MTMR12: variants seen among roughly 807,000 people sequenced by gnomAD.
MTMR12 encodes the protein myotubularin-related protein 12.
In MTMR12, 33 loss-of-function variants were observed where a neutral mutation model predicts 96.7. That is an observed-to-expected ratio of 0.34 (90% CI 0.26 to 0.46). MTMR12 has a LOEUF of 0.46. MTMR12 is among the 20% of genes least tolerant of loss of function. MTMR12 has a pLI of 1.00. For missense variants in MTMR12, 721 were observed against 896.1 expected, an observed-to-expected ratio of 0.80 and a Z score of 2.49; for synonymous variants, 298 against 327.2, an observed-to-expected ratio of 0.91 and a Z score of 0.96.
intron 1 of MTMR12, among the ~76,000 whole-genome samples, chr5:32,295,909 T>C (rs1330680517): frequency 1.3e-5 from 2 of 151,964 alleles, no homozygotes; most frequent in African/African-American, 4.8e-5. Context: ...ATCCCAGCAT[T>C]TTGGGAGGCC....
chr5:32,240,445 T>C (rs574035781), intron 12 of MTMR12, among the ~76,000 whole-genome samples: 3 of 150,210 alleles, frequency 2.0e-5, no homozygotes, highest in Non-Finnish European at 4.4e-5. Flanking sequence ...GAGGTGCTCA[T>C]ATTGTGATAA....
intron 7 of MTMR12, among the ~76,000 whole-genome samples, chr5:32,260,467 T>A (rs555468584): frequency 6.6e-6 from 1 of 151,930 alleles, no homozygotes; most frequent in East Asian, 2.0e-4. Flanking sequence ...TGCCAACTGA[T>A]TAGTATGTGG....
At chr5:32,249,774 C>A (rs1009531537) in intron 8 of MTMR12, among the ~76,000 whole-genome samples, 6 of 152,016 alleles carry the variant, frequency 3.9e-5, no homozygotes, top group Admixed American at 3.9e-4. Context: ...TTTTCAGGAA[C>A]AAAAGGAGAT....
At chr5:32,310,727 C>T (rs1291788831) in intron 1 of MTMR12, among the ~76,000 whole-genome samples, 1 of 151,836 alleles carries the variant, frequency 6.6e-6, no homozygotes, top group African/African-American at 2.4e-5. Context: ...AGTGATAGCA[C>T]AACAGGGTGA....
At chr5:32,289,793 C>T (rs1037898370) in intron 1 of MTMR12, among the ~76,000 whole-genome samples, 2 of 152,172 alleles carry the variant, frequency 1.3e-5, no homozygotes, top group Non-Finnish European at 2.9e-5. Context: ...AGGGTGAGGG[C>T]TATTATGGTG....
At chr5:32,256,504 C>A (rs952954784) in intron 7 of MTMR12, among the ~76,000 whole-genome samples, 2 of 152,186 alleles carry the variant, frequency 1.3e-5, no homozygotes, top group Admixed American at 6.5e-5. Context: ...CTAAAAAGAA[C>A]AAACTTGTTA....
At position 32,229,500 on chromosome 5, in the gene MTMR12, CTG is replaced by C. The variant is rs1747902185; in HGVS notation, c.*276_*277del. 3.5e-6 allele frequency: 1 copy of C among 282,478 alleles called. No individual in the cohort carries two copies. Among genetic ancestry groups the C allele is most frequent in the Non-Finnish European group, 6.5e-6 (1 of 153,154 alleles). The allele number at this position is 282,478 out of a possible 1,614,324, so 17.5% of individuals were successfully genotyped here. On this transcript the variant is annotated 3_prime_UTR_variant, in exon 16 of 16. Transcript: ENST00000382142. ...GGTAGTAAACTGGCCATTGTGGGCT[CTG>C]TATAATACTTAGGCATCAGAAAACG...
At chr5:32,247,069 A>G (rs1289192285) in intron 10 of MTMR12, among the ~76,000 whole-genome samples, 1 of 152,208 alleles carries the variant, frequency 6.6e-6, no homozygotes, top group East Asian at 1.9e-4. Context: ...AGTCCAAGTT[A>G]GTCCAGGCAG....
At chr5:32,265,418 G>T (rs1038802634) in intron 6 of MTMR12, among the ~76,000 whole-genome samples, 3 of 152,220 alleles carry the variant, frequency 2.0e-5, no homozygotes, top group African/African-American at 7.2e-5. Context: ...GGCAGGCCGA[G>T]AAAGTGTCCT....
intron 5 of MTMR12, 60 bp from the exon 6 acceptor site, chr5:32,268,854 A>G: frequency 7.2e-7 from 1 of 1,397,290 alleles, no homozygotes; most frequent in Non-Finnish European, 1.0e-6. Context: ...ACTAACAAAG[A>G]CAAGAGTCAA....
chr5:32,247,719 C>A (rs941829388), intron 10 of MTMR12: 4 of 984,338 alleles, frequency 4.1e-6, no homozygotes, highest in Non-Finnish European at 3.6e-6. Flanking sequence ...AAGGAAGAAA[C>A]CAAAATGCTC....
intron 12 of MTMR12, among the ~76,000 whole-genome samples, chr5:32,239,532 C>T (rs1005662973): frequency 5.3e-5 from 8 of 152,180 alleles, no homozygotes; most frequent in South Asian, 2.1e-4. Flanking sequence ...TGCCAGGCTC[C>T]GCAGGCCAAG....
At chr5:32,254,603 G>A (rs866875267) in intron 8 of MTMR12, among the ~76,000 whole-genome samples, 8 of 127,500 alleles carry the variant, frequency 6.3e-5, no homozygotes, top group Admixed American at 1.6e-4. Flanking sequence ...AACACTTTGG[G>A]AGGCCGAGGC....
At chr5:32,311,579 G>C (rs1357452544) in intron 1 of MTMR12, among the ~76,000 whole-genome samples, 1 of 152,222 alleles carries the variant, frequency 6.6e-6, no homozygotes, top group Non-Finnish European at 1.5e-5. Context: ...TTCTGCTGGA[G>C]AGAAGGGCAG....
chr5:32,256,899 G>C (rs1749160507), intron 7 of MTMR12, among the ~76,000 whole-genome samples: 1 of 152,156 alleles, frequency 6.6e-6, no homozygotes, highest in African/African-American at 2.4e-5. Flanking sequence ...AAAATCTATA[G>C]ATGAAGCAAT....
rs1367358704 is a variant in MTMR12 at position 32,269,089 on chromosome 5, T to TG, written c.490-296dup. On this transcript the variant is annotated intron_variant, in intron 5 of 15. Coordinates refer to ENST00000382142, the MANE Select transcript of MTMR12 (RefSeq NM_001040446.3). ...CTGCCCAGGCTGCAGTGCAGTGGCA[T>TG]GATCTTGGCTCACTGCAACCTTTGC... is the stretch of plus-strand genomic sequence containing the variant. Among the ~76,000 whole-genome samples, 6 of 152,080 alleles carry TG rather than the reference T, an allele frequency of 3.9e-5. No homozygotes were observed. In the South Asian group the frequency reaches 6.2e-4, roughly 16 times the overall value.
At chr5:32,242,270 G>C in intron 11 of MTMR12, 143 bp from the exon 12 acceptor site, 1 of 494,546 alleles carries the variant, frequency 2.0e-6, no homozygotes, top group Non-Finnish European at 3.5e-6. Context: ...CTCTAGAAAA[G>C]AAACGAACTT....
intron 10 of MTMR12, among the ~76,000 whole-genome samples, chr5:32,245,120 C>T (rs568157655): frequency 6.6e-6 from 1 of 152,324 alleles, no homozygotes; most frequent in East Asian, 1.9e-4. Context: ...ACTGCAACCT[C>T]TGCCTCCCGG....
chr5:32,263,123 C>T lies in MTMR12; in HGVS notation c.703G>A (p.Val235Ile). The T allele has an allele frequency of 2.5e-6, 4 of 1,614,198 alleles. No homozygotes were observed. Among genetic ancestry groups the T allele is most frequent in the Non-Finnish European group, 3.4e-6 (4 of 1,180,034 alleles). Residue 235 changes from valine (V) to isoleucine (I), a missense_variant, in exon 7 of 16, where the codon GTC becomes ATC. Coordinates refer to ENST00000382142, the MANE Select transcript of MTMR12 (RefSeq NM_001040446.3). The stretch of plus-strand genomic sequence containing the variant: ...GCATGGAAAGCTTACCTCTCACAGA[C>T]TTTATAGCCTTCGTTGACACTCACT... ...KAVSVNEGYK[V>I]CERLPAYFVV...
Sources: gnomAD v4.1 joint callset for allele counts (sites outside exome capture counted in the v4.1 genomes callset) on GRCh38, gnomAD v4.1.1 for gene constraint, MANE v1.5 for transcripts, NCBI Gene and HGNC (gene_info 2026-07-23, HGNC 2026-07-21) for gene names.